Variants in MEGF9 observed in about 807,000 individuals in gnomAD.
MEGF9 encodes the protein multiple EGF like domains 9.
A neutral mutation model predicts 46.8 loss-of-function variants in MEGF9; 6 were observed. The ratio of observed to expected loss-of-function variants is 0.13; its 90% CI spans 0.07 to 0.25. The LOEUF (loss-of-function observed/expected upper bound fraction) is 0.25. Ranked by LOEUF, MEGF9 falls within the 10% of genes least tolerant of loss-of-function variation. The pLI, the probability that MEGF9 is intolerant of heterozygous loss-of-function variation, is 1.00. For synonymous variants in MEGF9, 302 were observed against 330.7 expected, an observed-to-expected ratio of 0.91 and a Z score of 0.94; for missense variants, 683 against 792.4, an observed-to-expected ratio of 0.86 and a Z score of 1.66.
At chr9:120,699,008 C>T (rs1036873453) in intron 1 of MEGF9, among the ~76,000 whole-genome samples, 2 of 152,110 alleles carry the variant, frequency 1.3e-5, no homozygotes, top group African/African-American at 4.8e-5. Context: ...TCAGGGGCCA[C>T]GTGAACCAAA....
chr9:120,669,629 T>G (rs528329040), intron 1 of MEGF9, among the ~76,000 whole-genome samples: 1 of 149,126 alleles, frequency 6.7e-6, no homozygotes, highest in Non-Finnish European at 1.5e-5. Flanking sequence ...CATAAAAAAA[T>G]GTACAATTCA....
intron 4 of MEGF9, among the ~76,000 whole-genome samples, chr9:120,611,865 A>AAG (rs3983894): frequency 0.013 from 1,816 of 136,760 alleles, 31 homozygotes; most frequent in Non-Finnish European, 0.013. Context: ...GGAAGGAAGA[A>AAG]AGAGAGAGAG....
chr9:120,638,441 A>G (rs933097676), intron 2 of MEGF9, among the ~76,000 whole-genome samples: 7 of 152,358 alleles, frequency 4.6e-5, no homozygotes, highest in Middle Eastern at 3.4e-3. Flanking sequence ...ACCTGCTTAA[A>G]TTGAAACATT....
At chr9:120,622,845 C>A in intron 2 of MEGF9, 90 bp from the exon 3 acceptor site, 4 of 1,310,462 alleles carry the variant, frequency 3.1e-6, no homozygotes, top group Non-Finnish European at 4.2e-6. Flanking sequence ...AAGCCCAGCT[C>A]ATGTAAATCA....
chr9:120,686,947 T>TTGTGTGTG lies in MEGF9; in HGVS notation c.601+26803_601+26810dup, dbSNP rs59677137. Among the ~76,000 whole-genome samples the TTGTGTGTG allele has an allele frequency of 3.4e-3, 514 of 150,736 alleles. 6 individuals are homozygous for TTGTGTGTG. Among genetic ancestry groups the TTGTGTGTG allele is most frequent in the African/African-American group, 0.012 (491 of 41,184 alleles). On this transcript the variant is annotated intron_variant, in intron 1 of 5. Transcript: ENST00000373930. ...ACAGGTGAATTTTTAATAAAATAGT[T>TTGTGTGTG]TGTGTGTGTGTGTGTGTATGTGTAT...
intron 1 of MEGF9, among the ~76,000 whole-genome samples, chr9:120,700,975 C>T (rs1192584510): frequency 6.6e-6 from 1 of 151,048 alleles, no homozygotes; most frequent in Non-Finnish European, 1.5e-5. Context: ...AAAAATTAGC[C>T]GGGCATGGTG....
chr9:120,689,104 C>T (rs767517729), intron 1 of MEGF9, among the ~76,000 whole-genome samples: 2 of 152,078 alleles, frequency 1.3e-5, no homozygotes, highest in East Asian at 3.8e-4. Flanking sequence ...GAAGCAATAT[C>T]GTGTGATAAG....
At chr9:120,670,200 G>A (rs571709202) in intron 1 of MEGF9, among the ~76,000 whole-genome samples, 4 of 152,254 alleles carry the variant, frequency 2.6e-5, no homozygotes, top group Middle Eastern at 3.4e-3. Context: ...GGATTCAAGC[G>A]ATTCTCCTGT....
intron 1 of MEGF9, among the ~76,000 whole-genome samples, chr9:120,673,759 A>T (rs1167685683): frequency 2.0e-5 from 3 of 152,036 alleles, no homozygotes; most frequent in African/African-American, 7.2e-5. Context: ...CGAGGTCAGG[A>T]GTTCAAGACT....
chr9:120,624,364 A>T (rs2043514265), intron 2 of MEGF9, among the ~76,000 whole-genome samples: 1 of 151,996 alleles, frequency 6.6e-6, no homozygotes, highest in Non-Finnish European at 1.5e-5. Flanking sequence ...AGTAGCTGGG[A>T]CTACAGGTAT....
At chr9:120,701,851 T>C (rs893853211) in intron 1 of MEGF9, among the ~76,000 whole-genome samples, 27 of 152,248 alleles carry the variant, frequency 1.8e-4, no homozygotes, top group Middle Eastern at 3.4e-3. Flanking sequence ...GAGACCATCC[T>C]GGCTAATATG....
chr9:120,653,743 C>T (rs1445200092), intron 2 of MEGF9, among the ~76,000 whole-genome samples: 2 of 152,100 alleles, frequency 1.3e-5, no homozygotes, highest in Admixed American at 1.3e-4. Context: ...ATAAATTTAT[C>T]TCAGAAGTTT....
At chr9:120,680,844 G>A (rs2043795834) in intron 1 of MEGF9, among the ~76,000 whole-genome samples, 1 of 152,046 alleles carries the variant, frequency 6.6e-6, no homozygotes, top group South Asian at 2.1e-4. Flanking sequence ...GGCCACTGTC[G>A]ATGTTCATTT....
chr9:120,607,835 C>G lies in MEGF9; in HGVS notation c.1263G>C (p.Glu421Asp), dbSNP rs769650667. 6.2e-7 allele frequency: 1 copy of G among 1,613,938 alleles called. No homozygotes were observed. The highest frequency in any genetic ancestry group is 1.3e-5 in the African/African-American group (1 of 74,944). ...TPKICKPESG[E>D]CINCLHNTTG... Reference sequence around the variant, plus strand: ...TGGTGTTATGGAGGCAGTTGATGCACTCACCACTCTCGGGCTTACAAATCT... The same window carrying G: ...TGGTGTTATGGAGGCAGTTGATGCAGTCACCACTCTCGGGCTTACAAATCT... The change falls in exon 5 of 6, where the codon GAG becomes GAC. Residue 421 changes from glutamate (E) to aspartate (D), a missense_variant. Coordinates refer to ENST00000373930, the MANE Select transcript of MEGF9 (RefSeq NM_001080497.3).
In MEGF9 at chr9:120,714,393, C is replaced by G; in HGVS notation, c.-35G>C. 1 of 1,271,564 alleles carries G rather than the reference C, an allele frequency of 7.9e-7. No individual in the cohort carries two copies. Among genetic ancestry groups the G allele is most frequent in the Non-Finnish European group, 9.9e-7 (1 of 1,008,058 alleles). 78.8% of individuals were successfully genotyped at this position (1,271,564 alleles called of 1,614,324 possible). A position where few individuals can be genotyped will look rare whatever the true frequency, so the allele number is the denominator to read the frequency against. On this transcript the variant is annotated 5_prime_UTR_variant, in exon 1 of 6. Coordinates refer to ENST00000373930, the MANE Select transcript of MEGF9 (RefSeq NM_001080497.3). ...CAGTCGGTTGGTCAGTCATCTTCTC[C>G]TCGTTGCAATCCGACCAAGGAAGCC...
At chr9:120,700,380 T>A (rs1225451771) in intron 1 of MEGF9, among the ~76,000 whole-genome samples, 1 of 152,230 alleles carries the variant, frequency 6.6e-6, no homozygotes, top group Non-Finnish European at 1.5e-5. Flanking sequence ...CAATTCAGTA[T>A]AATAATACCC....
In MEGF9 at chr9:120,713,939, C is replaced by T; in HGVS notation, c.420G>A (p.Pro140=). 4 of 1,369,120 alleles carry T rather than the reference C, an allele frequency of 2.9e-6. No individual in the cohort carries two copies. The highest frequency in any genetic ancestry group is 3.7e-5 in the South Asian group (2 of 54,458). The allele number at this position is 1,369,120 out of a possible 1,614,324, so 84.8% of individuals were successfully genotyped here. A position where few individuals can be genotyped will look rare whatever the true frequency, so the allele number is the denominator to read the frequency against. ...AERTSTTSQA[P]TRPAPTTLST... is the part of the protein sequence containing the mutation. ...AAAGGGTGGTCGGCGCGGGTCTGGT[C>T]GGCGCCTGAGAGGTGGTCGAAGTGC... Residue 140 remains proline, a synonymous_variant, in exon 1 of 6, where the codon CCG becomes CCA. Coordinates refer to ENST00000373930, the MANE Select transcript of MEGF9 (RefSeq NM_001080497.3).
chr9:120,679,004 G>A (rs921546618), intron 1 of MEGF9, among the ~76,000 whole-genome samples: 1 of 152,160 alleles, frequency 6.6e-6, no homozygotes, highest in Non-Finnish European at 1.5e-5. Context: ...TGGAGAAATA[G>A]GAACACTTTT....
intron 1 of MEGF9, among the ~76,000 whole-genome samples, chr9:120,679,633 A>G (rs796905219): frequency 3.2e-4 from 49 of 152,176 alleles, no homozygotes; most frequent in Middle Eastern, 3.4e-3. Flanking sequence ...TTTAAAAAAA[A>G]AGAGAGAGAG....
Sources: allele counts gnomAD v4.1 joint callset (sites outside exome capture counted in the v4.1 genomes callset), GRCh38; gene constraint gnomAD v4.1.1; transcripts MANE v1.5; gene names NCBI Gene and HGNC (gene_info 2026-07-23, HGNC 2026-07-21).